MEIKIN: variants seen among roughly 807,000 people sequenced by gnomAD.
MEIKIN encodes the protein meiotic kinetochore factor, also known as meiosis-specific kinetochore protein.
At chr5:131,898,634 G>A (rs556911906) in intron 8 of MEIKIN, among the ~76,000 whole-genome samples, 121 of 152,336 alleles carry the variant, frequency 7.9e-4, no homozygotes, top group African/African-American at 2.2e-3. Flanking sequence ...CAGCAATGGC[G>A]GAAGGCCCTC....
intron 11 of MEIKIN, among the ~76,000 whole-genome samples, chr5:131,825,052 A>C (rs1287289175): frequency 6.6e-6 from 1 of 151,834 alleles, no homozygotes; most frequent in East Asian, 1.9e-4. Flanking sequence ...GAAGAAGAAG[A>C]AGCTGGGCAT....
chr5:131,944,831 G>A, intron 2 of MEIKIN, 79 bp from the exon 3 acceptor site: 1 of 398,948 alleles, frequency 2.5e-6, no homozygotes, highest in African/African-American at 2.1e-5. Context: ...TTTAGAATCT[G>A]AAAGGCTCTT....
At chr5:131,850,685 T>A (rs1272149882) in intron 11 of MEIKIN, among the ~76,000 whole-genome samples, 1 of 151,886 alleles carries the variant, frequency 6.6e-6, no homozygotes, top group Non-Finnish European at 1.5e-5. Flanking sequence ...TCAAAATGGA[T>A]CAATGACCTA....
Position 131,881,562 on chromosome 5 carries a change from C to T in MEIKIN, c.704-2514G>A, listed in dbSNP as rs149154750. 5.9e-5 allele frequency among the ~76,000 whole-genome samples: 9 copies of T among 152,258 alleles called. No individual in the cohort carries two copies. The East Asian group carries it at 1.7e-3, about 29-fold the overall frequency. On this transcript the variant is annotated intron_variant, in intron 8 of 12. Coordinates refer to ENST00000442687, the MANE Select transcript of MEIKIN (RefSeq NM_001303622.2). ...GCTGACTCCAAATACGTATCCATAG[C>T]CCCAGCCTCTGGTCTGGAGTTCTCC...
intron 8 of MEIKIN, among the ~76,000 whole-genome samples, chr5:131,886,821 T>C (rs562866216): frequency 2.0e-5 from 3 of 152,252 alleles, no homozygotes; most frequent in Admixed American, 1.3e-4. Context: ...TATTTTTTTA[T>C]TATACTTTAA....
At chr5:131,894,439 G>A (rs1750997309) in intron 8 of MEIKIN, among the ~76,000 whole-genome samples, 1 of 152,208 alleles carries the variant, frequency 6.6e-6, no homozygotes, top group Admixed American at 6.5e-5. Flanking sequence ...TGTGAAGAAA[G>A]TCATTGGTAG....
intron 9 of MEIKIN, among the ~76,000 whole-genome samples, chr5:131,870,995 T>C (rs1580881786): frequency 6.6e-6 from 1 of 152,118 alleles, no homozygotes; most frequent in Non-Finnish European, 1.5e-5. Flanking sequence ...TTTTCTCAGC[T>C]ATAAAATAGG....
chr5:131,907,744 C>T lies in MEIKIN; in HGVS notation c.703+4071G>A, dbSNP rs566940673. On this transcript the variant is annotated intron_variant, in intron 8 of 12. Coordinates refer to ENST00000442687, the MANE Select transcript of MEIKIN (RefSeq NM_001303622.2). ...AAAATTAGCCGGGCGTGGTGGCATG[C>T]GCCTGTAATCCCAGCTACTCAGGAG... is the stretch of plus-strand genomic sequence containing the variant. Among the ~76,000 whole-genome samples the T allele has an allele frequency of 2.0e-5, 3 of 151,788 alleles. No individual in the cohort carries two copies. The East Asian group carries it at 5.8e-4, about 29-fold the overall frequency.
intron 8 of MEIKIN, among the ~76,000 whole-genome samples, chr5:131,886,127 A>G (rs574846413): frequency 5.7e-4 from 87 of 152,308 alleles, no homozygotes; most frequent in African/African-American, 2.0e-3. Flanking sequence ...GACCAAAGAA[A>G]AAAGAATAAA....
chr5:131,899,187 G>A (rs1044110084), intron 8 of MEIKIN, among the ~76,000 whole-genome samples: 2 of 152,086 alleles, frequency 1.3e-5, no homozygotes, highest in African/African-American at 4.8e-5. Flanking sequence ...TTAAAAAGTG[G>A]GGAGATGAAG....
At chr5:131,854,608 A>G in intron 10 of MEIKIN, 146 bp downstream of exon 10, 1 of 387,892 alleles carries the variant, frequency 2.6e-6, no homozygotes, top group Admixed American at 4.4e-5. Flanking sequence ...TATACAAAGT[A>G]CTTTCATTGA....
chr5:131,861,602 C>T (rs1486438867), intron 9 of MEIKIN, among the ~76,000 whole-genome samples: 3 of 152,042 alleles, frequency 2.0e-5, no homozygotes, highest in Non-Finnish European at 2.9e-5. Context: ...CATATATTGC[C>T]TTTATTATTT....
chr5:131,924,635 T>C (rs538435313), intron 5 of MEIKIN, among the ~76,000 whole-genome samples: 2 of 152,336 alleles, frequency 1.3e-5, no homozygotes, highest in South Asian at 2.1e-4. Flanking sequence ...TGGAGAAATA[T>C]CTATTCAAGT....
At chr5:131,882,125 G>T (rs1750710819) in intron 8 of MEIKIN, among the ~76,000 whole-genome samples, 1 of 151,978 alleles carries the variant, frequency 6.6e-6, no homozygotes, top group Admixed American at 6.6e-5. Flanking sequence ...TGGTATATCT[G>T]CCTGTAAAAT....
At chr5:131,879,324 A>G (rs1020168538) in intron 8 of MEIKIN, among the ~76,000 whole-genome samples, 1 of 152,208 alleles carries the variant, frequency 6.6e-6, no homozygotes, top group Non-Finnish European at 1.5e-5. Context: ...GCATGTGATT[A>G]TACTTCTTCA....
intron 5 of MEIKIN, 140 bp downstream of exon 5, chr5:131,933,373 G>A (rs370980953): frequency 5.6e-5 from 21 of 373,804 alleles, no homozygotes; most frequent in Middle Eastern, 6.7e-4. Context: ...GAAACACAAC[G>A]GGTAATGGTC....
At chr5:131,932,758 TC>T (rs1386442364) in intron 5 of MEIKIN, among the ~76,000 whole-genome samples, 2 of 152,278 alleles carry the variant, frequency 1.3e-5, no homozygotes, top group Middle Eastern at 3.4e-3. Context: ...ATCTCCAGGC[TC>T]CCTTTGAGCA....
At position 131,945,543 on chromosome 5, in the gene MEIKIN, G is replaced by A; in HGVS notation, c.-38C>T. Reference sequence around the variant, plus strand: ...CTACCCCCAGGCCACGGGTGCCTCTGGACTCTCGATGGCCTGCCTTCCTGA... The same window carrying A: ...CTACCCCCAGGCCACGGGTGCCTCTAGACTCTCGATGGCCTGCCTTCCTGA... On this transcript the variant is annotated 5_prime_UTR_variant, in exon 1 of 13. Transcript: ENST00000442687. The A allele has an allele frequency of 2.5e-6, 1 of 400,040 alleles. No homozygotes were observed. Among genetic ancestry groups the A allele is most frequent in the Non-Finnish European group, 4.4e-6 (1 of 226,140 alleles). The allele number at this position is 400,040 out of a possible 1,614,324, so 24.8% of individuals were successfully genotyped here.
At chr5:131,940,393 T>C (rs1297141316) in intron 4 of MEIKIN, among the ~76,000 whole-genome samples, 1 of 152,228 alleles carries the variant, frequency 6.6e-6, no homozygotes, top group Non-Finnish European at 1.5e-5. Context: ...AAGTTTTAAT[T>C]TGAAATAATA....
Sources: gnomAD v4.1 joint callset for allele counts (sites outside exome capture counted in the v4.1 genomes callset) on GRCh38, gnomAD v4.1.1 for gene constraint, MANE v1.5 for transcripts, NCBI Gene and HGNC (gene_info 2026-07-23, HGNC 2026-07-21) for gene names.